The following SYCP2L variants were observed in gnomAD, a reference collection of about 807,000 sequenced individuals.
SYCP2L encodes the protein synaptonemal complex protein 2-like.
SYCP2L carries 98 observed loss-of-function variants against 125.8 expected under a neutral mutation model. The observed-to-expected ratio is 0.78, with a 90% CI of 0.66 to 0.92. The LOEUF (loss-of-function observed/expected upper bound fraction) is 0.92, where lower values mean the gene tolerates loss of function less well. SYCP2L is among the 40% of genes least tolerant of loss of function. SYCP2L has a pLI of 0.00. For missense variants in SYCP2L, 842 were observed against 936.4 expected (o/e 0.90, Z 1.32); for synonymous variants, 317 against 325.4 (o/e 0.97, Z 0.28).
In SYCP2L at chr6:10,894,139, C is replaced by A; in HGVS notation, c.271C>A (p.Arg91=). ...GTCACTGTTGCTGAAATGTATTCAGCGATTCCTCGTAGATGGCCTGAAAGA... is the reference window on the plus strand; with the variant it reads ...GTCACTGTTGCTGAAATGTATTCAGAGATTCCTCGTAGATGGCCTGAAAGA... The part of the protein sequence containing the change: ...SVSLLLKCIQ[R]FLVDGLKEDE... Residue 91 remains arginine, a synonymous_variant, in exon 4 of 30, where the codon CGA becomes AGA. Coordinates refer to ENST00000283141, the MANE Select transcript of SYCP2L (RefSeq NM_001040274.3). 1 of 1,613,620 alleles carries A rather than the reference C, an allele frequency of 6.2e-7. No homozygotes were observed. Among genetic ancestry groups the A allele is most frequent in the Non-Finnish European group, 8.5e-7 (1 of 1,179,862 alleles).
intron 21 of SYCP2L, among the ~76,000 whole-genome samples, chr6:10,937,788 T>C (rs942033582): frequency 6.6e-6 from 1 of 152,026 alleles, no homozygotes; most frequent in African/African-American, 2.4e-5. Context: ...ACAAACAAAT[T>C]ATACACCAAC....
At chr6:10,950,439 A>G (rs1483371269) in intron 23 of SYCP2L, among the ~76,000 whole-genome samples, 2 of 152,138 alleles carry the variant, frequency 1.3e-5, no homozygotes, top group South Asian at 2.1e-4. Context: ...AGATTTAATC[A>G]TTTTGCTCAC....
At chr6:10,910,746 G>A (rs1158772318) in intron 11 of SYCP2L, 78 bp from the exon 12 acceptor site, 1 of 1,479,488 alleles carries the variant, frequency 6.8e-7, no homozygotes, top group African/African-American at 1.4e-5. Flanking sequence ...CTAGTTATAA[G>A]TGCTTGTTGC....
At chr6:10,895,015 C>G (rs1308777269) in intron 4 of SYCP2L, among the ~76,000 whole-genome samples, 1 of 152,212 alleles carries the variant, frequency 6.6e-6, no homozygotes, top group Non-Finnish European at 1.5e-5. Flanking sequence ...AAGCTACCCC[C>G]TCAGGAGAGA....
At chr6:10,889,982 G>T (rs943730765) in intron 1 of SYCP2L, among the ~76,000 whole-genome samples, 2 of 152,046 alleles carry the variant, frequency 1.3e-5, no homozygotes, top group East Asian at 3.9e-4. Flanking sequence ...TCTGTGCCCC[G>T]CTTATTTCAT....
At chr6:10,965,703 A>T (rs527406011) in intron 29 of SYCP2L, among the ~76,000 whole-genome samples, 1 of 152,372 alleles carries the variant, frequency 6.6e-6, no homozygotes, top group East Asian at 1.9e-4. Context: ...AGTGCTGCTC[A>T]AACCATTCTA....
chr6:10,911,900 T>C (rs1177494618), intron 12 of SYCP2L, among the ~76,000 whole-genome samples: 14 of 115,674 alleles, frequency 1.2e-4, no homozygotes, highest in East Asian at 4.0e-4. Flanking sequence ...AAAGCTTTTT[T>C]TTTTTTTTTT....
At position 10,930,398 on chromosome 6, in the gene SYCP2L, C is replaced by G. The variant is rs1030601282; in HGVS notation, c.1517C>G (p.Ser506Cys). Residue 506 changes from serine to cysteine, a missense_variant, in exon 19 of 30, where the codon TCT becomes TGT. Ser to Cys is a moderately radical substitution (Grantham distance 112, BLOSUM62 -1). Coordinates refer to ENST00000283141, the MANE Select transcript of SYCP2L (RefSeq NM_001040274.3). ...TCTCATTACAGAAAACATCTCTTCTCTGAGAGTAATCAAGATTCAAGTACC... is the reference window on the plus strand; with the variant it reads ...TCTCATTACAGAAAACATCTCTTCTGTGAGAGTAATCAAGATTCAAGTACC... Reference protein sequence around the residue: ...PKSHYRKHLFSESNQDSSTSE... With the variant: ...PKSHYRKHLFCESNQDSSTSE... The G allele has an allele frequency of 2.0e-5, 32 of 1,613,270 alleles. 1 individual carries two copies.
chr6:10,953,904 A>G (rs1181318147), intron 23 of SYCP2L, among the ~76,000 whole-genome samples: 1 of 152,026 alleles, frequency 6.6e-6, no homozygotes, highest in Admixed American at 6.6e-5. Flanking sequence ...GTGCAGATCT[A>G]TGGGGATGTG....
Position 10,961,308 on chromosome 6 carries a change from C to G in SYCP2L, c.2259C>G (p.Leu753=), listed in dbSNP as rs1159027078. ...KLLNQMQLFR[L]NKLERFQNLV... is the part of the protein sequence containing the mutation. Reference sequence around the variant, plus strand: ...TTACTGCTTTTATGTTTATTAGACTCAATAAACTAGAGCGCTTTCAAAATT... The same window carrying G: ...TTACTGCTTTTATGTTTATTAGACTGAATAAACTAGAGCGCTTTCAAAATT... The change falls in exon 27 of 30, where the codon CTC becomes CTG. Residue 753 remains leucine, a synonymous_variant. Transcript: ENST00000283141. 7 of 1,612,440 alleles carry G rather than the reference C, an allele frequency of 4.3e-6. No individual in the cohort carries two copies. Among genetic ancestry groups the G allele is most frequent in the Non-Finnish European group, 5.9e-6 (7 of 1,178,526 alleles).
intron 23 of SYCP2L, 80 bp downstream of exon 23, chr6:10,942,826 C>A: frequency 7.8e-7 from 1 of 1,274,984 alleles, no homozygotes; most frequent in Non-Finnish European, 1.1e-6. Flanking sequence ...GGCTGTTACT[C>A]AGATTGCAGA....
intron 4 of SYCP2L, 58 bp from the exon 5 acceptor site, chr6:10,897,953 T>C (rs957624735): frequency 8.9e-7 from 1 of 1,120,884 alleles, no homozygotes; most frequent in Non-Finnish European, 1.4e-6. Flanking sequence ...TCTTGTGCAA[T>C]TTTATTGAAT....
chr6:10,889,281 A>G (rs1338078267), intron 1 of SYCP2L, among the ~76,000 whole-genome samples: 2 of 152,162 alleles, frequency 1.3e-5, no homozygotes, highest in Admixed American at 6.5e-5. Flanking sequence ...TAATTGACAC[A>G]TATATTAATT....
At chr6:10,969,688 G>A (rs2113434166) in intron 29 of SYCP2L, among the ~76,000 whole-genome samples, 1 of 152,042 alleles carries the variant, frequency 6.6e-6, no homozygotes, top group East Asian at 1.9e-4. Flanking sequence ...AGATGAAATT[G>A]GACATGTGCA....
intron 23 of SYCP2L, among the ~76,000 whole-genome samples, chr6:10,943,930 A>G (rs1039049359): frequency 6.6e-6 from 1 of 152,176 alleles, no homozygotes; most frequent in Admixed American, 6.5e-5. Flanking sequence ...TGAAAATACC[A>G]TATTTAAAAA....
At chr6:10,921,258 A>G (rs989894724) in intron 14 of SYCP2L, among the ~76,000 whole-genome samples, 1 of 151,910 alleles carries the variant, frequency 6.6e-6, no homozygotes, top group African/African-American at 2.4e-5. Context: ...TATGTACCAC[A>G]TTTTCTTTAT....
intron 14 of SYCP2L, among the ~76,000 whole-genome samples, 188 bp from the exon 15 acceptor site, chr6:10,924,308 A>G (rs1780860729): frequency 6.6e-6 from 1 of 152,222 alleles, no homozygotes; most frequent in African/African-American, 2.4e-5. Context: ...TTGTATGTGT[A>G]TATGTGTAAA....
At chr6:10,940,200 T>C (rs1336471632) in intron 21 of SYCP2L, among the ~76,000 whole-genome samples, 2 of 152,210 alleles carry the variant, frequency 1.3e-5, no homozygotes, top group Non-Finnish European at 2.9e-5. Context: ...TTGGCAAGGG[T>C]ATGGAGAGAA....
At chr6:10,907,743 G>A (rs1738614207) in intron 10 of SYCP2L, 59 bp downstream of exon 10, 2 of 1,574,082 alleles carry the variant, frequency 1.3e-6, no homozygotes, top group African/African-American at 1.4e-5. Flanking sequence ...CATCCGCTGA[G>A]AACTTTCCTG....
Sources: gnomAD v4.1 joint callset for allele counts (sites outside exome capture counted in the v4.1 genomes callset) on GRCh38, gnomAD v4.1.1 for gene constraint, MANE v1.5 for transcripts, NCBI Gene and HGNC (gene_info 2026-07-23, HGNC 2026-07-21) for gene names.